LRP5: variants seen among roughly 807,000 people sequenced by gnomAD.
LRP5 encodes the protein low-density lipoprotein receptor-related protein 5.
A neutral mutation model predicts 154.1 loss-of-function variants in LRP5; 62 were observed. That is an observed-to-expected ratio of 0.40 (90% CI 0.33 to 0.50). The LOEUF (loss-of-function observed/expected upper bound fraction) is 0.50, where lower values mean the gene tolerates loss of function less well. Ranked by LOEUF, LRP5 falls within the 20% of genes least tolerant of loss-of-function variation. The pLI is 0.55. For synonymous variants in LRP5, 966 were observed against 1,011.5 expected (o/e 0.96, Z 0.85); for missense variants, 1,915 against 2,336.7 (o/e 0.82, Z 3.72).
chr11:68,375,630 C>T (rs757998856), intron 5 of LRP5, among the ~76,000 whole-genome samples: 5 of 152,336 alleles, frequency 3.3e-5, no homozygotes, highest in Non-Finnish European at 4.4e-5. Flanking sequence ...CTGTGTCCCA[C>T]GGGACCAACA....
chr11:68,429,007 G>A, intron 16 of LRP5, among the ~76,000 whole-genome samples: 1 of 139,624 alleles, frequency 7.2e-6, no homozygotes, highest in Non-Finnish European at 1.5e-5. Flanking sequence ...TAAGGCAGGA[G>A]AATGGCATGA....
At chr11:68,409,071 A>T (rs56313695) in intron 9 of LRP5, among the ~76,000 whole-genome samples, 31,744 of 50,040 alleles carry the variant, frequency 0.63, 9,464 homozygotes, top group Middle Eastern at 0.77. Flanking sequence ...AAAAAAAAAA[A>T]AAATATATAT....
chr11:68,358,277 G>A (rs2098624875), intron 3 of LRP5, among the ~76,000 whole-genome samples: 2 of 152,016 alleles, frequency 1.3e-5, no homozygotes, highest in Non-Finnish European at 2.9e-5. Context: ...CACCACACCT[G>A]GCTAATTTTT....
At chr11:68,384,274 T>C (rs2098641801) in intron 5 of LRP5, among the ~76,000 whole-genome samples, 1 of 152,118 alleles carries the variant, frequency 6.6e-6, no homozygotes. Flanking sequence ...GGACCATCTG[T>C]TGTTTGAAGG....
intron 13 of LRP5, among the ~76,000 whole-genome samples, chr11:68,417,524 G>A (rs555165123): frequency 8.0e-6 from 1 of 125,002 alleles, no homozygotes; most frequent in Non-Finnish European, 1.6e-5. Context: ...GCAGTGGCAT[G>A]ATCTTGGCTC....
chr11:68,356,045 C>T (rs889449606), intron 2 of LRP5, among the ~76,000 whole-genome samples: 4 of 150,826 alleles, frequency 2.7e-5, no homozygotes, highest in African/African-American at 4.9e-5. Context: ...GGGGTTTCAC[C>T]GTGTTAGCCA....
chr11:68,398,320 C>T (rs570921885), intron 7 of LRP5, among the ~76,000 whole-genome samples: 3 of 152,316 alleles, frequency 2.0e-5, no homozygotes, highest in Non-Finnish European at 4.4e-5. Flanking sequence ...TTTGGGATCT[C>T]CCGTCATTCC....
At chr11:68,397,273 C>T (rs1431989966) in intron 7 of LRP5, among the ~76,000 whole-genome samples, 1 of 152,188 alleles carries the variant, frequency 6.6e-6, no homozygotes, top group Non-Finnish European at 1.5e-5. Flanking sequence ...CTCTGCCCCG[C>T]CATGGCTTTT....
intron 16 of LRP5, among the ~76,000 whole-genome samples, chr11:68,426,898 G>A (rs1181093926): frequency 6.6e-6 from 1 of 152,210 alleles, no homozygotes; most frequent in African/African-American, 2.4e-5. Flanking sequence ...TAGCAGTTGT[G>A]GGATCGAGGT....
chr11:68,387,739 C>T (rs1192808810), intron 6 of LRP5, among the ~76,000 whole-genome samples: 3 of 152,158 alleles, frequency 2.0e-5, no homozygotes, highest in Non-Finnish European at 4.4e-5. Context: ...ATGGAGGAGG[C>T]GCAGTGGAGC....
intron 5 of LRP5, among the ~76,000 whole-genome samples, chr11:68,380,089 C>T (rs1367220431): frequency 2.0e-5 from 3 of 152,210 alleles, no homozygotes; most frequent in Non-Finnish European, 2.9e-5. Context: ...GTCGAGATCG[C>T]GCCACTGCAC....
chr11:68,436,942 A>C lies in LRP5; in HGVS notation c.4054A>C (p.Lys1352Gln). ...TGCGAGCGGCCAGTGTGTCCTCATC[A>C]AACAGCAGTGCGACTCCTTCCCCGA... ...RCASGQCVLI[K>Q]QQCDSFPDCI... Residue 1352 changes from lysine (K) to glutamine (Q), a missense_variant, in exon 19 of 23, where the codon AAA (lysine) becomes CAA (glutamine). Around this residue, in one of 3 missense-constraint regions of LRP5, gnomAD observed 1,094 missense variants for 1,210.1 expected, o/e 0.90. Coordinates refer to ENST00000294304, the MANE Select transcript of LRP5 (RefSeq NM_002335.4). 6.2e-7 allele frequency: 1 copy of C among 1,613,930 alleles called. No individual in the cohort carries two copies. The highest frequency in any genetic ancestry group is 8.5e-7 in the Non-Finnish European group (1 of 1,179,972).
At chr11:68,392,573 G>T (rs2098646939) in intron 7 of LRP5, among the ~76,000 whole-genome samples, 1 of 152,032 alleles carries the variant, frequency 6.6e-6, no homozygotes, top group Non-Finnish European at 1.5e-5. Flanking sequence ...GGACAATGTG[G>T]TGCAGGTATC....
At chr11:68,444,151 C>T (rs994926620) in intron 21 of LRP5, among the ~76,000 whole-genome samples, 8 of 152,068 alleles carry the variant, frequency 5.3e-5, no homozygotes, top group East Asian at 1.9e-4. Context: ...GAGAAAGTTC[C>T]GTCTACAGGC....
intron 6 of LRP5, among the ~76,000 whole-genome samples, chr11:68,388,612 T>A (rs1478947468): frequency 6.6e-6 from 1 of 152,120 alleles, no homozygotes; most frequent in African/African-American, 2.4e-5. Flanking sequence ...AAGTCACCTG[T>A]CCTTTGCATA....
At chr11:68,448,783 C>T in intron 22 of LRP5, 26 bp from the exon 23 acceptor site, 1 of 1,601,340 alleles carries the variant, frequency 6.2e-7, no homozygotes, top group South Asian at 1.1e-5. Flanking sequence ...TACCGAATCC[C>T]ACTCCTCTGT....
intron 7 of LRP5, among the ~76,000 whole-genome samples, chr11:68,398,030 A>G (rs532048275): frequency 1.6e-5 from 2 of 123,320 alleles, no homozygotes; most frequent in African/African-American, 2.7e-5. Context: ...GCACATGTGT[A>G]TAAGATCTTT....
chr11:68,445,880 C>T (rs1245252354), intron 21 of LRP5, among the ~76,000 whole-genome samples: 4 of 152,224 alleles, frequency 2.6e-5, no homozygotes, highest in Non-Finnish European at 1.5e-5. Flanking sequence ...GGACTGTGGC[C>T]CCTCCCTCAG....
intron 13 of LRP5, among the ~76,000 whole-genome samples, chr11:68,421,772 C>T (rs1418666015): frequency 7.5e-6 from 1 of 132,722 alleles, no homozygotes; most frequent in African/African-American, 3.1e-5. Context: ...GGCACCCTTT[C>T]CATCTGGGGG....
Sources: gnomAD v4.1 joint callset for allele counts (sites outside exome capture counted in the v4.1 genomes callset) on GRCh38, gnomAD v4.1.1 for gene constraint, gnomAD v4.1.1 regional missense constraint, MANE v1.5 for transcripts, NCBI Gene and HGNC (gene_info 2026-07-23, HGNC 2026-07-21) for gene names.